BICC1: variants seen among roughly 807,000 people sequenced by gnomAD.
BICC1 encodes the protein BicC family RNA binding protein 1.
A neutral mutation model predicts 111.0 loss-of-function variants in BICC1; 43 were observed. The ratio of observed to expected loss-of-function variants is 0.39; its 90% CI spans 0.30 to 0.50. BICC1 has a LOEUF of 0.50. Ranked by LOEUF, BICC1 falls within the 20% of genes least tolerant of loss-of-function variation. BICC1 has a pLI of 0.88. For missense variants in BICC1, 1,091 were observed against 1,203.2 expected (o/e 0.91, Z 1.38); for synonymous variants, 467 against 434.4 (o/e 1.07, Z -0.93).
In BICC1 at chr10:58,789,684, A is replaced by G. The variant is rs1843117779; in HGVS notation, c.798A>G (p.Glu266=). 1 of 1,614,098 alleles carries G rather than the reference A, an allele frequency of 6.2e-7. No individual in the cohort carries two copies. Among genetic ancestry groups the G allele is most frequent in the Non-Finnish European group, 8.5e-7 (1 of 1,179,990 alleles). The change falls in exon 8 of 21, where the codon GAA becomes GAG. Residue 266 remains glutamate, a splice_region_variant and synonymous_variant. Coordinates refer to ENST00000373886, the MANE Select transcript of BICC1 (RefSeq NM_001080512.3). ...GSQNNTSAVK[E]GTAMLLEHLA... is the part of the protein sequence containing the mutation. ...TCTTTCCCACCCTTTTCTCTTAGGA[A>G]GGAACTGCCATGCTGTTAGAACATC...
At chr10:58,817,961 A>G (rs1844147255) in intron 19 of BICC1, among the ~76,000 whole-genome samples, 1 of 152,192 alleles carries the variant, frequency 6.6e-6, no homozygotes, top group Non-Finnish European at 1.5e-5. Flanking sequence ...ATAGCTGTCT[A>G]ACAGTTTTAG....
At chr10:58,620,501 C>T (rs1845767085) in intron 1 of BICC1, among the ~76,000 whole-genome samples, 1 of 152,134 alleles carries the variant, frequency 6.6e-6, no homozygotes, top group African/African-American at 2.4e-5. Flanking sequence ...GGATTGATCA[C>T]AGATAGGAAG....
intron 3 of BICC1, among the ~76,000 whole-genome samples, chr10:58,739,295 C>CTGTTGTATTT (rs1841576972): frequency 1.3e-5 from 2 of 152,058 alleles, no homozygotes. Flanking sequence ...TCATGAAGGG[C>CTGTTGTATTT]TGTTGTATTT....
Position 58,631,354 on chromosome 10 carries a change from C to T in BICC1, c.237+10453C>T, listed in dbSNP as rs80295686. Among the ~76,000 whole-genome samples, 699 of 152,094 alleles carry T rather than the reference C, an allele frequency of 4.6e-3. 14 individuals carry two copies. The highest frequency in any genetic ancestry group is 0.016 in the African/African-American group (660 of 41,504). On this transcript the variant is annotated intron_variant, in intron 2 of 20. Coordinates refer to ENST00000373886, the MANE Select transcript of BICC1 (RefSeq NM_001080512.3). ...TCTCATTTTATATGTTTAACAGTTG[C>T]GGCTTGTCCCAAACTGGCTCTTTGG...
In BICC1 at chr10:58,828,945, T is replaced by G; in HGVS notation, c.*54T>G. ...CTAACTGTAAAGTGGACACAGGAGA[T>G]GTATGAACAGCCTTCACAGCACACC... On this transcript the variant is annotated 3_prime_UTR_variant, in exon 21 of 21. Transcript: ENST00000373886. The G allele has an allele frequency of 6.2e-7, 1 of 1,606,010 alleles. No homozygotes were observed. The highest frequency in any genetic ancestry group is 8.5e-7 in the Non-Finnish European group (1 of 1,175,700).
At chr10:58,822,108 A>G (rs1844267618) in intron 20 of BICC1, among the ~76,000 whole-genome samples, 1 of 152,136 alleles carries the variant, frequency 6.6e-6, no homozygotes, top group Non-Finnish European at 1.5e-5. Context: ...TAATTTGCAA[A>G]TGAAATTTAT....
chr10:58,706,599 T>G lies in BICC1; in HGVS notation c.307+4456T>G, dbSNP rs935687071. Among the ~76,000 whole-genome samples, 6 of 152,190 alleles carry G rather than the reference T, an allele frequency of 3.9e-5. No homozygotes were observed. In the East Asian group the frequency reaches 5.8e-4, roughly 15 times the overall value. ...TTATCCCCAGATGTCAAAGGAGAGA[T>G]CTGGTGGGAGGTGATTGGATCATGG... is the stretch of plus-strand genomic sequence containing the variant. On this transcript the variant is annotated intron_variant, in intron 3 of 20. Transcript: ENST00000373886.
intron 3 of BICC1, among the ~76,000 whole-genome samples, chr10:58,707,354 G>A (rs530464551): frequency 3.9e-5 from 6 of 152,054 alleles, no homozygotes; most frequent in Non-Finnish European, 7.4e-5. Context: ...TACTTAAAGG[G>A]CTGAGGGCAC....
chr10:58,682,965 T>C (rs1839586002), intron 2 of BICC1, among the ~76,000 whole-genome samples: 1 of 152,256 alleles, frequency 6.6e-6, no homozygotes, highest in African/African-American at 2.4e-5. Context: ...CCCATGCCTA[T>C]GTCCTGAATG....
At chr10:58,809,225 AGG>A (rs1343765326) in intron 17 of BICC1, among the ~76,000 whole-genome samples, 1 of 151,064 alleles carries the variant, frequency 6.6e-6, no homozygotes, top group Non-Finnish European at 1.5e-5. Context: ...TAGTAGACAC[AGG>A]GTTTCACCAT....
At chr10:58,551,139 A>C (rs1181680440) in intron 1 of BICC1, among the ~76,000 whole-genome samples, 1 of 152,128 alleles carries the variant, frequency 6.6e-6, no homozygotes, top group African/African-American at 2.4e-5. Flanking sequence ...TCATAAAAGC[A>C]GGGCTTTTAA....
chr10:58,682,137 G>A (rs554237413), intron 2 of BICC1, among the ~76,000 whole-genome samples: 12 of 151,644 alleles, frequency 7.9e-5, no homozygotes, highest in Non-Finnish European at 1.3e-4. Flanking sequence ...CTGTCCTGGC[G>A]ATAGTTTGCT....
chr10:58,536,875 A>G (rs1842838607), intron 1 of BICC1, among the ~76,000 whole-genome samples: 1 of 151,806 alleles, frequency 6.6e-6, no homozygotes, highest in Non-Finnish European at 1.5e-5. Flanking sequence ...AGACATTACA[A>G]CTGACACCTC....
intron 1 of BICC1, among the ~76,000 whole-genome samples, chr10:58,542,163 A>AAC (rs1554803880): frequency 2.0e-5 from 3 of 147,172 alleles, no homozygotes; most frequent in Non-Finnish European, 4.4e-5. Flanking sequence ...AAAAAAAAAA[A>AAC]AAACAAAAAA....
chr10:58,716,524 C>T (rs1015300506), intron 3 of BICC1, among the ~76,000 whole-genome samples: 2 of 152,252 alleles, frequency 1.3e-5, no homozygotes, highest in African/African-American at 4.8e-5. Context: ...AGATAATACA[C>T]TGCAGTCATA....
At chr10:58,762,997 A>G (rs1198226678) in intron 3 of BICC1, among the ~76,000 whole-genome samples, 1 of 152,074 alleles carries the variant, frequency 6.6e-6, no homozygotes, top group Non-Finnish European at 1.5e-5. Flanking sequence ...AGCCAGCCCT[A>G]TTATGTTTGT....
chr10:58,679,827 G>A (rs965085328), intron 2 of BICC1, among the ~76,000 whole-genome samples: 1 of 152,164 alleles, frequency 6.6e-6, no homozygotes, highest in Non-Finnish European at 1.5e-5. Context: ...ACATTAAAAA[G>A]CTTATCCACC....
At chr10:58,647,751 C>A (rs908743693) in intron 2 of BICC1, among the ~76,000 whole-genome samples, 15 of 151,270 alleles carry the variant, frequency 9.9e-5, no homozygotes, top group African/African-American at 3.4e-4. Flanking sequence ...AGAATGTGTG[C>A]TTAAGGGATT....
chr10:58,729,073 C>T lies in BICC1; in HGVS notation c.307+26930C>T, dbSNP rs1027942751. Among the ~76,000 whole-genome samples the T allele has an allele frequency of 1.1e-4, 16 of 152,294 alleles. 1 individual carries two copies. Among genetic ancestry groups the T allele is most frequent in the Admixed American group, 9.8e-4 (15 of 15,306 alleles). Reference sequence around the variant, plus strand: ...AATGGTAAATGATCATTGGCTTCGACTTGTAGTCACCAGCTGCATTATCCC... The same window carrying T: ...AATGGTAAATGATCATTGGCTTCGATTTGTAGTCACCAGCTGCATTATCCC... On this transcript the variant is annotated intron_variant, in intron 3 of 20. Coordinates refer to ENST00000373886, the MANE Select transcript of BICC1 (RefSeq NM_001080512.3).
Sources: gnomAD v4.1 joint callset for allele counts (sites outside exome capture counted in the v4.1 genomes callset) on GRCh38, gnomAD v4.1.1 for gene constraint, MANE v1.5 for transcripts, NCBI Gene and HGNC (gene_info 2026-07-23, HGNC 2026-07-21) for gene names.